Variants in OR2M3 observed in about 807,000 individuals in gnomAD.
OR2M3 encodes the protein olfactory receptor 2M3.
In OR2M3, 1 loss-of-function variant was observed where a neutral mutation model predicts 4.3. The observed-to-expected ratio is 0.23, with a 90% CI of 0.08 to 1.11. The LOEUF is 1.11. Ranked by LOEUF, OR2M3 falls within the 50% of genes most tolerant of loss-of-function variation. The pLI, the probability that OR2M3 is intolerant of heterozygous loss-of-function variation, is 0.54. For synonymous variants in OR2M3, 151 were observed against 139.4 expected, an observed-to-expected ratio of 1.08 and a Z score of -0.59; for missense variants, 410 against 390.4, an observed-to-expected ratio of 1.05 and a Z score of -0.42.
chr1:248,202,032 G>C (rs1438044653), intron 1 of OR2M3, among the ~76,000 whole-genome samples: 1 of 152,070 alleles, frequency 6.6e-6, no homozygotes, highest in Non-Finnish European at 1.5e-5. Flanking sequence ...GGATGTATTA[G>C]TTTCCTAGGA....
rs910482600 is a variant in OR2M3, at chr1:248,206,517, G to C, written c.*2511G>C. 5.3e-5 allele frequency: 8 copies of C among 151,914 alleles called. No individual in the cohort carries two copies. Among genetic ancestry groups the C allele is most frequent in the African/African-American group, 1.2e-4 (5 of 41,350 alleles). The allele number at this position is 151,914 out of a possible 1,614,324, so 9.4% of individuals were successfully genotyped here. ...TTTGCTTAGAATTTTAATTGTAAAGGGATGTGGGATTTCATCAAATGCTTT... is the reference window on the plus strand; with the variant it reads ...TTTGCTTAGAATTTTAATTGTAAAGCGATGTGGGATTTCATCAAATGCTTT... On this transcript the variant is annotated 3_prime_UTR_variant, in exon 2 of 2. Coordinates refer to ENST00000641626, the MANE Select transcript of OR2M3 (RefSeq NM_001004689.2).
rs551788665 is a variant in OR2M3 at position 248,203,715 on chromosome 1, T to G, written c.648T>G (p.Ala216=). Residue 216 remains alanine (A), a synonymous_variant, in exon 2 of 2, where the codon GCT becomes GCG. Transcript: ENST00000641626. ...TTTTCCCTGTTGCAATCATCATTGC[T>G]TCCTATGCTCGAGTTATCCTGGCTG... ...MIVFPVAIII[A]SYARVILAVI... is the part of the protein sequence containing the mutation. The G allele has an allele frequency of 2.0e-5, 33 of 1,612,774 alleles. No individual in the cohort carries two copies. The East Asian group carries it at 7.1e-4, about 35-fold the overall frequency.
intron 1 of OR2M3, among the ~76,000 whole-genome samples, chr1:248,199,129 A>G (rs1666129165): frequency 6.6e-6 from 1 of 152,072 alleles, no homozygotes; most frequent in Non-Finnish European, 1.5e-5. Flanking sequence ...AGTTTATTAC[A>G]AAAGAAACAT....
In OR2M3 at chr1:248,212,737, A is replaced by G. The variant is rs1185414779; in HGVS notation, c.*8731A>G. ...ATGCTGGCTATGAAAAACAGAAACC[A>G]GGCTCCTGTCTTTGTTTCCAGTCTC... On this transcript the variant is annotated 3_prime_UTR_variant, in exon 2 of 2. Coordinates refer to ENST00000641626, the MANE Select transcript of OR2M3 (RefSeq NM_001004689.2). The G allele has an allele frequency of 6.6e-6, 1 of 152,050 alleles. No homozygotes were observed. The allele number at this position is 152,050 out of a possible 1,614,324, so 9.4% of individuals were successfully genotyped here.
At position 248,207,538 on chromosome 1, in the gene OR2M3, A is replaced by G. The variant is rs536836070; in HGVS notation, c.*3532A>G. On this transcript the variant is annotated 3_prime_UTR_variant, in exon 2 of 2. Transcript: ENST00000641626. ...ATCATCCAGTTCAAAGAATTTTTAA[A>G]TTTCCCTCTTGATTGCAATGTTGTC... 1 of 152,162 alleles carries G rather than the reference A, an allele frequency of 6.6e-6. No individual in the cohort carries two copies. The highest frequency in any genetic ancestry group is 1.9e-4 in the East Asian group (1 of 5,180). 9.4% of individuals were successfully genotyped at this position (152,162 alleles called of 1,614,324 possible).
At position 248,212,852 on chromosome 1, in the gene OR2M3, G is replaced by A. The variant is rs929603213; in HGVS notation, c.*8846G>A. 7 of 151,412 alleles carry A rather than the reference G, an allele frequency of 4.6e-5. No homozygotes were observed. Among genetic ancestry groups the A allele is most frequent in the Admixed American group, 1.3e-4 (2 of 15,158 alleles). 9.4% of individuals were successfully genotyped at this position (151,412 alleles called of 1,614,324 possible). ...AACTCATTTCTCTTTTGAACTCACT[G>A]TTACTAATAATTTAACATGTTTTTA... On this transcript the variant is annotated 3_prime_UTR_variant, in exon 2 of 2. Coordinates refer to ENST00000641626, the MANE Select transcript of OR2M3 (RefSeq NM_001004689.2).
In OR2M3 at chr1:248,203,237, C is replaced by T. The variant is rs138886689; in HGVS notation, c.170C>T (p.Thr57Ile). 3 of 1,614,052 alleles carry T rather than the reference C, an allele frequency of 1.9e-6. No homozygotes were observed. Among genetic ancestry groups the T allele is most frequent in the Admixed American group, 1.7e-5 (1 of 60,002 alleles). Reference protein sequence around the residue: ...LLIYLDTQLHTPMYLLLSQLS... With the variant: ...LLIYLDTQLHIPMYLLLSQLS... ...ATCTACCTGGACACCCAGCTCCACACCCCCATGTACCTCCTCCTCAGCCAA... is the reference window on the plus strand; with the variant it reads ...ATCTACCTGGACACCCAGCTCCACATCCCCATGTACCTCCTCCTCAGCCAA... Residue 57 changes from threonine to isoleucine, a missense_variant, in exon 2 of 2, where the codon ACC becomes ATC. Transcript: ENST00000641626.
intron 1 of OR2M3, among the ~76,000 whole-genome samples, chr1:248,197,990 G>C (rs756273404): frequency 6.6e-6 from 1 of 152,038 alleles, no homozygotes; most frequent in Non-Finnish European, 1.5e-5. Context: ...CAACACGTCT[G>C]GTCCCAAGCA....
chr1:248,201,036 G>T (rs1016115550), intron 1 of OR2M3, among the ~76,000 whole-genome samples: 4 of 152,050 alleles, frequency 2.6e-5, no homozygotes, highest in Admixed American at 2.6e-4. Flanking sequence ...TACTCACCAG[G>T]CTTCTTTTTC....
chr1:248,197,474 G>A (rs1666109306), intron 1 of OR2M3, among the ~76,000 whole-genome samples, 173 bp downstream of exon 1: 1 of 152,080 alleles, frequency 6.6e-6, no homozygotes, highest in African/African-American at 2.4e-5. Flanking sequence ...TGAGAAATGT[G>A]GTACAATCTG....
chr1:248,197,795 G>A (rs1390866316), intron 1 of OR2M3, among the ~76,000 whole-genome samples: 1 of 152,066 alleles, frequency 6.6e-6, no homozygotes, highest in East Asian at 1.9e-4. Context: ...TTTGCTTCCT[G>A]ATGGTTCACA....
Position 248,208,201 on chromosome 1 carries a change from C to T in OR2M3, c.*4195C>T, listed in dbSNP as rs1427511300. The T allele has an allele frequency of 6.6e-6, 1 of 151,784 alleles. No individual in the cohort carries two copies. Among genetic ancestry groups the T allele is most frequent in the Non-Finnish European group, 1.5e-5 (1 of 67,932 alleles). 9.4% of individuals were successfully genotyped at this position (151,784 alleles called of 1,614,324 possible). Reference sequence around the variant, plus strand: ...CCCTTTAACTTAAGTTTATGTGAGTCCTTATGTGTTTGGTGAGTTTCCTGA... The same window carrying T: ...CCCTTTAACTTAAGTTTATGTGAGTTCTTATGTGTTTGGTGAGTTTCCTGA... On this transcript the variant is annotated 3_prime_UTR_variant, in exon 2 of 2. Transcript: ENST00000641626.
Position 248,212,253 on chromosome 1 carries a change from C to T in OR2M3, c.*8247C>T, listed in dbSNP as rs1666289974. On this transcript the variant is annotated 3_prime_UTR_variant, in exon 2 of 2. Coordinates refer to ENST00000641626, the MANE Select transcript of OR2M3 (RefSeq NM_001004689.2). ...TTAAATATTAATTCATAATGCTATACATTAATGACTCTAGAATATGCATCA... is the reference window on the plus strand; with the variant it reads ...TTAAATATTAATTCATAATGCTATATATTAATGACTCTAGAATATGCATCA... The T allele has an allele frequency of 6.6e-6, 1 of 151,880 alleles. No homozygotes were observed. Among genetic ancestry groups the T allele is most frequent in the Non-Finnish European group, 1.5e-5 (1 of 67,904 alleles). 9.4% of individuals were successfully genotyped at this position (151,880 alleles called of 1,614,324 possible).
rs761258614 is a variant in OR2M3 at position 248,203,194 on chromosome 1, T to C, written c.127T>C (p.Ser43Pro). ...CTTTTCAGTGGCCTTCATGGGAAAC[T>C]CTGTCATGGTTCTCCTCATCTACCT... ...AIFSVAFMGN[S>P]VMVLLIYLDT... The change falls in exon 2 of 2, where the codon TCT (serine) becomes CCT (proline). Residue 43 changes from serine (S) to proline (P), a missense_variant. Ser to Pro is a moderately conservative substitution (Grantham distance 74). Coordinates refer to ENST00000641626, the MANE Select transcript of OR2M3 (RefSeq NM_001004689.2). 3.1e-6 allele frequency: 5 copies of C among 1,613,876 alleles called. No individual in the cohort carries two copies. The African/African-American group carries it at 6.7e-5, about 22-fold the overall frequency.
rs1188825598 is a variant in OR2M3 at position 248,208,193 on chromosome 1, A to G, written c.*4187A>G. On this transcript the variant is annotated 3_prime_UTR_variant, in exon 2 of 2. Coordinates refer to ENST00000641626, the MANE Select transcript of OR2M3 (RefSeq NM_001004689.2). ...TCTTTCACCCCTTTAACTTAAGTTT[A>G]TGTGAGTCCTTATGTGTTTGGTGAG... The G allele has an allele frequency of 1.3e-5, 2 of 151,994 alleles. No homozygotes were observed. Among genetic ancestry groups the G allele is most frequent in the Non-Finnish European group, 2.9e-5 (2 of 67,974 alleles). 9.4% of individuals were successfully genotyped at this position (151,994 alleles called of 1,614,324 possible). A position where few individuals can be genotyped will look rare whatever the true frequency, so the allele number is the denominator to read the frequency against.
intron 1 of OR2M3, among the ~76,000 whole-genome samples, chr1:248,197,569 TA>T (rs1484819414): frequency 4.6e-5 from 7 of 152,174 alleles, no homozygotes; most frequent in Admixed American, 1.3e-4. Flanking sequence ...CATGTCCTGG[TA>T]TTCCAGATTT....
rs116642815 is a variant in OR2M3 at position 248,203,944 on chromosome 1, C to A, written c.877C>A (p.Arg293Ser). ...GTTGAATCCCCTCATCTACAGCCTC[C>A]GCAACAAGGAGGTGACCAGAGCATT... The part of the protein sequence containing the change: ...PMLNPLIYSL[R>S]NKEVTRAFMK... The change falls in exon 2 of 2, where the codon CGC becomes AGC. Residue 293 changes from arginine to serine, a missense_variant. Transcript: ENST00000641626. 5.6e-4 allele frequency: 905 copies of A among 1,613,764 alleles called. 12 individuals are homozygous for A. The African/African-American group carries it at 0.011, about 20-fold the overall frequency.
intron 1 of OR2M3, 75 bp from the exon 2 acceptor site, chr1:248,202,975 G>A: frequency 7.5e-7 from 1 of 1,335,204 alleles, no homozygotes. Flanking sequence ...AACTACAGAA[G>A]TTACCACAAT....
chr1:248,212,870 T>G lies in OR2M3; in HGVS notation c.*8864T>G, dbSNP rs1049017982. The G allele has an allele frequency of 7.9e-5, 12 of 152,046 alleles. No homozygotes were observed. The highest frequency in any genetic ancestry group is 1.6e-4 in the Non-Finnish European group (11 of 68,000). The allele number at this position is 152,046 out of a possible 1,614,324, so 9.4% of individuals were successfully genotyped here. On this transcript the variant is annotated 3_prime_UTR_variant, in exon 2 of 2. Coordinates refer to ENST00000641626, the MANE Select transcript of OR2M3 (RefSeq NM_001004689.2). ...ACTCACTGTTACTAATAATTTAACA[T>G]GTTTTTACATCATTTTGTTTTATTC...
Sources: allele counts gnomAD v4.1 joint callset (sites outside exome capture counted in the v4.1 genomes callset), GRCh38; gene constraint gnomAD v4.1.1; transcripts MANE v1.5; gene names NCBI Gene and HGNC (gene_info 2026-07-23, HGNC 2026-07-21).